PDE4A: variants seen among roughly 807,000 people sequenced by gnomAD.
PDE4A encodes 3',5'-cyclic-AMP phosphodiesterase 4A.
PDE4A carries 21 observed loss-of-function variants against 73.9 expected under a neutral mutation model. The observed-to-expected ratio is 0.28, with a 90% CI of 0.20 to 0.41. The LOEUF (loss-of-function observed/expected upper bound fraction) is 0.41. PDE4A is among the 10% of genes least tolerant of loss of function. PDE4A has a pLI of 1.00. For synonymous variants in PDE4A, 463 were observed against 505.4 expected (o/e 0.92, Z 1.13); for missense variants, 958 against 1,211.4 (o/e 0.79, Z 3.10).
intron 7 of PDE4A, among the ~76,000 whole-genome samples, chr19:10,456,385 G>A (rs948519520): frequency 5.9e-5 from 9 of 152,036 alleles, no homozygotes; most frequent in African/African-American, 1.7e-4. Context: ...AATTAGCTGC[G>A]CGTGTTGGCA....
intron 1 of PDE4A, among the ~76,000 whole-genome samples, chr19:10,423,749 G>T (rs1418054367): frequency 1.3e-5 from 2 of 152,144 alleles, no homozygotes; most frequent in Non-Finnish European, 2.9e-5. Flanking sequence ...CATTTCTCCA[G>T]GGTGAGTAGA....
chr19:10,440,465 C>A (rs1320785219), intron 1 of PDE4A, among the ~76,000 whole-genome samples: 1 of 152,120 alleles, frequency 6.6e-6, no homozygotes, highest in Non-Finnish European at 1.5e-5. Flanking sequence ...ACTCTGTTGC[C>A]CAGGCTGGTG....
chr19:10,459,953 T>C (rs1159943946), intron 10 of PDE4A, among the ~76,000 whole-genome samples, 194 bp downstream of exon 10: 1 of 152,040 alleles, frequency 6.6e-6, no homozygotes, highest in East Asian at 2.0e-4. Flanking sequence ...CGATCTCAGC[T>C]CACTGCAACC....
At chr19:10,426,689 C>A (rs1481047932) in intron 1 of PDE4A, among the ~76,000 whole-genome samples, 1 of 151,316 alleles carries the variant, frequency 6.6e-6, no homozygotes, top group Non-Finnish European at 1.5e-5. Flanking sequence ...TGGCCAAAAC[C>A]TGGCAAAACC....
intron 1 of PDE4A, among the ~76,000 whole-genome samples, chr19:10,432,188 G>T (rs1292976580): frequency 2.1e-5 from 3 of 140,418 alleles, no homozygotes; most frequent in Admixed American, 6.8e-5. Flanking sequence ...GGGGGGGGGG[G>T]GGGAAGTGTG....
chr19:10,433,884 G>A (rs1032860311), intron 1 of PDE4A, among the ~76,000 whole-genome samples: 4 of 151,826 alleles, frequency 2.6e-5, no homozygotes, highest in Non-Finnish European at 5.9e-5. Context: ...TGCCCTGTGC[G>A]CCCCGGGGGA....
rs1162121051 is a variant in PDE4A at position 10,439,982 on chromosome 19, C to CTTTTTT, written c.321-6221_321-6216dup. On this transcript the variant is annotated intron_variant, in intron 1 of 14. Transcript: ENST00000380702. ...CCTAATAGGCGTGACATGGTATCTC[C>CTTTTTT]TTTTTTTTTTTTTTTTTTTTGAGAC... 1.7e-3 allele frequency among the ~76,000 whole-genome samples: 192 copies of CTTTTTT among 113,996 alleles called. 5 individuals carry two copies. Among genetic ancestry groups the CTTTTTT allele is most frequent in the East Asian group, 7.7e-3 (27 of 3,528 alleles). The allele number at this position is 113,996 out of a possible 152,430, so 74.8% of individuals were successfully genotyped here.
In PDE4A at chr19:10,466,719, C is replaced by T. The variant is rs193145675; in HGVS notation, c.1927-168C>T. ...ATGCTGGCCAGGCTGGTCTCGAACTCCTGACCTCAAATGATCCGACTGCCT... is the reference window on the plus strand; with the variant it reads ...ATGCTGGCCAGGCTGGTCTCGAACTTCTGACCTCAAATGATCCGACTGCCT... On this transcript the variant is annotated intron_variant, in intron 14 of 14. Transcript: ENST00000380702. The T allele has an allele frequency of 2.7e-5, 15 of 553,004 alleles. No homozygotes were observed. The East Asian group carries it at 1.3e-3, about 49-fold the overall frequency. 34.3% of individuals were successfully genotyped at this position (553,004 alleles called of 1,614,324 possible). A position where few individuals can be genotyped will look rare whatever the true frequency, so the allele number is the denominator to read the frequency against.
At chr19:10,434,010 G>A (rs549665594) in intron 1 of PDE4A, among the ~76,000 whole-genome samples, 2 of 152,196 alleles carry the variant, frequency 1.3e-5, no homozygotes, top group East Asian at 3.9e-4. Context: ...GTGGGAGGAT[G>A]GCTTGAGCCC....
At chr19:10,452,692 C>T (rs1005182309) in intron 6 of PDE4A, among the ~76,000 whole-genome samples, 6 of 151,908 alleles carry the variant, frequency 3.9e-5, no homozygotes, top group African/African-American at 1.5e-4. Flanking sequence ...TGTCAAGTGC[C>T]TGGATGTGTG....
intron 6 of PDE4A, among the ~76,000 whole-genome samples, chr19:10,452,536 C>T (rs2043108043): frequency 6.6e-6 from 1 of 150,956 alleles, no homozygotes; most frequent in Non-Finnish European, 1.5e-5. Flanking sequence ...TTGGATGGGG[C>T]GTGTCTGAAG....
At chr19:10,434,710 ACTC>A (rs2042841382) in intron 1 of PDE4A, among the ~76,000 whole-genome samples, 2 of 150,474 alleles carry the variant, frequency 1.3e-5, no homozygotes, top group Admixed American at 1.3e-4. Context: ...CCTGCCTCAG[ACTC>A]CCAAGTAGCT....
At chr19:10,456,037 C>G (rs547717352) in intron 7 of PDE4A, among the ~76,000 whole-genome samples, 2 of 151,158 alleles carry the variant, frequency 1.3e-5, no homozygotes, top group South Asian at 2.1e-4. Context: ...TGACCCCCCC[C>G]CAATTCAGTA....
In PDE4A at chr19:10,449,100, C is replaced by T. The variant is rs1335355922; in HGVS notation, c.570C>T (p.Ser190=). 1.3e-5 allele frequency: 21 copies of T among 1,613,550 alleles called. No individual in the cohort carries two copies. Among genetic ancestry groups the T allele is most frequent in the Admixed American group, 3.3e-5 (2 of 59,942 alleles). The part of the protein sequence containing the change: ...PFAQVLASLR[S]VRSNFSLLTN... Reference sequence around the variant, plus strand: ...CCCAGGTGCTGGCCAGCCTCCGGAGCGTCCGTAGCAACTTCTCACTCCTGA... The same window carrying T: ...CCCAGGTGCTGGCCAGCCTCCGGAGTGTCCGTAGCAACTTCTCACTCCTGA... Residue 190 remains serine, a synonymous_variant, in exon 4 of 15, where the codon AGC becomes AGT. Coordinates refer to ENST00000380702, the MANE Select transcript of PDE4A (RefSeq NM_001111307.2).
rs2043126654 is a variant in PDE4A at position 10,453,525 on chromosome 19, C to T, written c.784-1304C>T. On this transcript the variant is annotated intron_variant, in intron 6 of 14. Transcript: ENST00000380702. This position sits in a 1 kb window ranked among gnomAD's most constrained non-coding sequence, Gnocchi z 4.6. ...TCTCCCTGGGGGTGGACTGCGGGTC[C>T]CTCACTGGGTGTGACTGTGTCAGTG... 6.6e-6 allele frequency among the ~76,000 whole-genome samples: 1 copy of T among 151,784 alleles called. No individual in the cohort carries two copies. The highest frequency in any genetic ancestry group is 6.6e-5 in the Admixed American group (1 of 15,230).
intron 1 of PDE4A, among the ~76,000 whole-genome samples, chr19:10,429,825 C>T (rs2042764330): frequency 6.6e-6 from 1 of 152,066 alleles, no homozygotes; most frequent in South Asian, 2.1e-4. Flanking sequence ...GCTGGCATCT[C>T]CATGGTTACT....
intron 2 of PDE4A, among the ~76,000 whole-genome samples, chr19:10,448,513 G>C (rs1326470838): frequency 6.6e-6 from 1 of 151,366 alleles, no homozygotes; most frequent in African/African-American, 2.4e-5. Context: ...GCACATGCCT[G>C]TAATCCCAGC....
intron 1 of PDE4A, among the ~76,000 whole-genome samples, chr19:10,444,829 C>T (rs551852181): frequency 5.3e-5 from 8 of 152,038 alleles, no homozygotes; most frequent in Admixed American, 2.6e-4. Context: ...TCCACCACCA[C>T]GCCTGGCTAA....
At chr19:10,423,155 CTCTT>C in intron 1 of PDE4A, 1 of 721,440 alleles carries the variant, frequency 1.4e-6, no homozygotes, top group African/African-American at 2.1e-5. Context: ...AAAACCCTTT[CTCTT>C]TTTTTTTTTT....
Sources: gnomAD v4.1 joint callset for allele counts (sites outside exome capture counted in the v4.1 genomes callset) on GRCh38, gnomAD v4.1.1 for gene constraint, Gnocchi (gnomAD v3.1) non-coding constraint, MANE v1.5 for transcripts, NCBI Gene and HGNC (gene_info 2026-07-23, HGNC 2026-07-21) for gene names.